SV2B: variants seen among roughly 807,000 people sequenced by gnomAD.
The protein encoded by SV2B is synaptic vesicle glycoprotein 2B.
SV2B carries 41 observed loss-of-function variants against 73.9 expected under a neutral mutation model. The observed-to-expected ratio is 0.56, with a 90% confidence interval of 0.43 to 0.72. The LOEUF is 0.72. SV2B is among the 30% of genes least tolerant of loss of function. SV2B has a pLI of 0.00. For missense variants in SV2B, 764 were observed against 857.8 expected, an observed-to-expected ratio of 0.89 and a Z score of 1.37; for synonymous variants, 314 against 314.2, an observed-to-expected ratio of 1.00 and a Z score of 0.01.
At chr15:91,142,240 C>G (rs1397588070) in intron 1 of SV2B, among the ~76,000 whole-genome samples, 1 of 152,220 alleles carries the variant, frequency 6.6e-6, no homozygotes, top group East Asian at 1.9e-4. Context: ...TCTGTGCTTA[C>G]TCTGTCCAGT....
intron 1 of SV2B, 28 bp from the exon 2 acceptor site, chr15:91,225,845 C>A (rs993444893): frequency 1.2e-5 from 2 of 173,682 alleles, no homozygotes; most frequent in Non-Finnish European, 2.4e-5. Context: ...TTTGTAAATT[C>A]TTCTCTATCC....
rs977682 is a variant in SV2B, at chr15:91,238,564, C to T, written c.451+11850C>T. On this transcript the variant is annotated intron_variant, in intron 2 of 12. Transcript: ENST00000394232. ...CAAAATGCATGACTCCAATAAGATGCAAGTGTGAAGTTGGCATTGGCCTCT... is the reference window on the plus strand; with the variant it reads ...CAAAATGCATGACTCCAATAAGATGTAAGTGTGAAGTTGGCATTGGCCTCT... Among the ~76,000 whole-genome samples the T allele has an allele frequency of 2.0e-3, 301 of 152,348 alleles. 3 individuals are homozygous for T. The highest frequency in any genetic ancestry group is 7.0e-3 in the African/African-American group (289 of 41,582).
chr15:91,119,438 C>A (rs1250959309), intron 1 of SV2B, among the ~76,000 whole-genome samples: 1 of 152,200 alleles, frequency 6.6e-6, no homozygotes, highest in African/African-American at 2.4e-5. Context: ...ATTGTGTAAA[C>A]TGATACAATA....
rs1463846099 is a variant in SV2B at position 91,236,425 on chromosome 15, C to T, written c.451+9711C>T. On this transcript the variant is annotated intron_variant, in intron 2 of 12. Transcript: ENST00000394232. The surrounding 1 kb of genome is among the most constrained non-coding windows in gnomAD (Gnocchi z 4.1). ...ATGTTGGAAAATATGATCTTCCAGA[C>T]CACAGAAAGCACAACAGAAATGAAT... 4.6e-5 allele frequency among the ~76,000 whole-genome samples: 7 copies of T among 152,074 alleles called. No homozygotes were observed. The highest frequency in any genetic ancestry group is 1.4e-4 in the African/African-American group (6 of 41,416).
chr15:91,122,438 C>T lies in SV2B; in HGVS notation c.-392+22075C>T, dbSNP rs1303038659. ...GAATAATTTTTAATGGCTCAGCTTT[C>T]TCCTGCTGGGTTGACTCTCTGATCC... On this transcript the variant is annotated intron_variant, in intron 1 of 12. Transcript: ENST00000394232. This position sits in a 1 kb window ranked among gnomAD's most constrained non-coding sequence, Gnocchi z 4.3. Among the ~76,000 whole-genome samples, 1 of 152,208 alleles carries T rather than the reference C, an allele frequency of 6.6e-6. No individual in the cohort carries two copies. The highest frequency in any genetic ancestry group is 1.5e-5 in the Non-Finnish European group (1 of 68,042).
intron 1 of SV2B, among the ~76,000 whole-genome samples, chr15:91,196,556 G>T (rs989358298): frequency 1.3e-5 from 2 of 152,236 alleles, no homozygotes; most frequent in Admixed American, 1.3e-4. Context: ...AAGATGGAAA[G>T]AGTGGCTGAG....
chr15:91,211,801 CTTTTTTT>C (rs775815258), intron 1 of SV2B, among the ~76,000 whole-genome samples: 3 of 105,998 alleles, frequency 2.8e-5, no homozygotes, highest in South Asian at 2.9e-4. Context: ...CTCGCCTGGG[CTTTTTTT>C]TTTTTTTTTT....
intron 1 of SV2B, among the ~76,000 whole-genome samples, chr15:91,206,331 C>T (rs561684669): frequency 1.9e-4 from 29 of 151,916 alleles, no homozygotes; most frequent in East Asian, 3.9e-4. Flanking sequence ...CGTGAGCCAC[C>T]GTGCCCAGCC....
rs1163902141 is a variant in SV2B at position 91,288,032 on chromosome 15, C to G, written c.1709-1489C>G. ...GGGAGGGGTACTCCAGCCACCTTCCCCTCCCAACTGATAAGAAAGTCCATG... is the reference window on the plus strand; with the variant it reads ...GGGAGGGGTACTCCAGCCACCTTCCGCTCCCAACTGATAAGAAAGTCCATG... On this transcript the variant is annotated intron_variant, in intron 11 of 12. Coordinates refer to ENST00000394232, the MANE Select transcript of SV2B (RefSeq NM_001323032.3). This position sits in a 1 kb window ranked among gnomAD's most constrained non-coding sequence, Gnocchi z 5.8. Among the ~76,000 whole-genome samples the G allele has an allele frequency of 2.6e-5, 4 of 152,262 alleles. No individual in the cohort carries two copies. The East Asian group carries it at 5.8e-4, about 22-fold the overall frequency.
chr15:91,249,068 T>TCACATA lies in SV2B; in HGVS notation c.452-2747_452-2746insTACACA, dbSNP rs1290015975. Among the ~76,000 whole-genome samples the TCACATA allele has an allele frequency of 9.0e-3, 1,279 of 142,114 alleles. 12 individuals are homozygous for TCACATA. The highest frequency in any genetic ancestry group is 0.031 in the East Asian group (152 of 4,896). The allele number at this position is 142,114 out of a possible 152,430, so 93.2% of individuals were successfully genotyped here. A position where few individuals can be genotyped will look rare whatever the true frequency, so the allele number is the denominator to read the frequency against. On this transcript the variant is annotated intron_variant, in intron 2 of 12. Transcript: ENST00000394232. ...TGCATGCATCCATACATCTACGTTT[T>TCACATA]CACACACACACACACACACACACAC...
chr15:91,200,212 G>A (rs1221315137), intron 1 of SV2B, among the ~76,000 whole-genome samples: 1 of 152,178 alleles, frequency 6.6e-6, no homozygotes, highest in Non-Finnish European at 1.5e-5. Flanking sequence ...TTTGGTCTTT[G>A]TGGACCATTT....
At position 91,139,342 on chromosome 15, in the gene SV2B, A is replaced by G. The variant is rs2042934832; in HGVS notation, c.-392+38979A>G. ...ATGTGCTTGCAAATTTCCACAATAA[A>G]ATGTTAAAAAAAAAGAAGTAAGGGA... On this transcript the variant is annotated intron_variant, in intron 1 of 12. Transcript: ENST00000394232. This position sits in a 1 kb window ranked among gnomAD's most constrained non-coding sequence, Gnocchi z 5.2. Among the ~76,000 whole-genome samples the G allele has an allele frequency of 6.8e-6, 1 of 148,114 alleles. No homozygotes were observed. The highest frequency in any genetic ancestry group is 1.5e-5 in the Non-Finnish European group (1 of 66,518).
intron 2 of SV2B, among the ~76,000 whole-genome samples, chr15:91,243,839 T>A (rs2047118819): frequency 6.6e-6 from 1 of 152,166 alleles, no homozygotes; most frequent in African/African-American, 2.4e-5. Context: ...CTGTAGACCC[T>A]CACCTCTGGG....
rs977256436 is a variant in SV2B at position 91,245,766 on chromosome 15, C to CAAT, written c.452-6051_452-6049dup. On this transcript the variant is annotated intron_variant, in intron 2 of 12. Transcript: ENST00000394232. The surrounding 1 kb of genome is among the most constrained non-coding windows in gnomAD (Gnocchi z 4.2). ...AGAGACATGTGATACAAAGGAAAAGCAATAGTATGCTGCCAAAAGACTATC... is the reference window on the plus strand; with the variant it reads ...AGAGACATGTGATACAAAGGAAAAGCAATAATAGTATGCTGCCAAAAGACTATC... 3.9e-5 allele frequency among the ~76,000 whole-genome samples: 6 copies of CAAT among 151,984 alleles called. No homozygotes were observed. Among genetic ancestry groups the CAAT allele is most frequent in the African/African-American group, 1.4e-4 (6 of 41,390 alleles).
chr15:91,208,228 A>G (rs967787838), intron 1 of SV2B, among the ~76,000 whole-genome samples: 3 of 152,244 alleles, frequency 2.0e-5, no homozygotes, highest in African/African-American at 7.2e-5. Flanking sequence ...ATTCCCCAGC[A>G]GATACCACTA....
In SV2B at chr15:91,284,077, CAGA is replaced by C; in HGVS notation, c.1567_1569del (p.Lys523del). 6.2e-7 allele frequency: 1 copy of C among 1,614,166 alleles called. No individual in the cohort carries two copies. The highest frequency in any genetic ancestry group is 1.1e-5 in the South Asian group (1 of 91,078). ...GTTTATCAACTCCACCTTCCTGGAG[CAGA>C]AGGAGGGCTGCCACATGGACTTGGA... is the stretch of plus-strand genomic sequence containing the variant. On this transcript the variant is annotated inframe_deletion, in exon 11 of 13. Coordinates refer to ENST00000394232, the MANE Select transcript of SV2B (RefSeq NM_001323032.3). This position sits in a 1 kb window ranked among gnomAD's most constrained non-coding sequence, Gnocchi z 4.5.
intron 1 of SV2B, among the ~76,000 whole-genome samples, chr15:91,184,225 C>T (rs1405445960): frequency 1.3e-5 from 2 of 152,170 alleles, no homozygotes; most frequent in East Asian, 3.9e-4. Context: ...TTTTGGCAAG[C>T]AACCTTGCCA....
intron 1 of SV2B, among the ~76,000 whole-genome samples, chr15:91,159,895 A>G (rs1185227913): frequency 1.3e-5 from 2 of 152,176 alleles, no homozygotes; most frequent in Non-Finnish European, 2.9e-5. Context: ...ATTTGTCTGG[A>G]AAAAAGATGA....
chr15:91,183,025 G>T (rs1025963414), intron 1 of SV2B, among the ~76,000 whole-genome samples: 3 of 152,190 alleles, frequency 2.0e-5, no homozygotes, highest in South Asian at 2.1e-4. Context: ...TTCAGATCCT[G>T]TGCTCATGGA....
Sources: allele counts gnomAD v4.1 joint callset (sites outside exome capture counted in the v4.1 genomes callset), GRCh38; gene constraint gnomAD v4.1.1; non-coding constraint Gnocchi (gnomAD v3.1); transcripts MANE v1.5; gene names NCBI Gene and HGNC (gene_info 2026-07-23, HGNC 2026-07-21).